NDUFA9: variants seen among roughly 807,000 people sequenced by gnomAD.
The protein encoded by NDUFA9 is NADH:ubiquinone oxidoreductase subunit A9, also known as NADH dehydrogenase [ubiquinone] 1 alpha subcomplex subunit 9, mitochondrial.
Under a neutral mutation model 45.9 loss-of-function variants are expected in NDUFA9, and 23 were observed. The observed-to-expected ratio is 0.50, with a 90% CI of 0.36 to 0.71. The LOEUF (loss-of-function observed/expected upper bound fraction) is 0.71, where lower values mean the gene tolerates loss of function less well. Ranked by LOEUF, NDUFA9 falls within the 30% of genes least tolerant of loss-of-function variation. The probability of loss-of-function intolerance (pLI) is 0.00; values close to 1 mark genes in which losing one functional copy is unlikely to be tolerated. For missense variants in NDUFA9, 466 were observed against 488.2 expected, an observed-to-expected ratio of 0.95 and a Z score of 0.43; for synonymous variants, 176 against 170.5, an observed-to-expected ratio of 1.03 and a Z score of -0.25.
intron 6 of NDUFA9, among the ~76,000 whole-genome samples, chr12:4,665,756 T>TC (rs1158378815): frequency 1.3e-5 from 2 of 151,912 alleles, no homozygotes; most frequent in African/African-American, 4.8e-5. Context: ...GTTTTTTTTT[T>TC]TTTTTATAAT....
intron 8 of NDUFA9, among the ~76,000 whole-genome samples, chr12:4,680,880 C>T (rs1242334694): frequency 6.6e-6 from 1 of 152,150 alleles, no homozygotes; most frequent in Non-Finnish European, 1.5e-5. Context: ...GCATTATAAG[C>T]ACTGATACTT....
At chr12:4,657,469 A>G (rs1198996023) in intron 3 of NDUFA9, 1 of 307,800 alleles carries the variant, frequency 3.2e-6, no homozygotes, top group Admixed American at 4.8e-5. Flanking sequence ...GACAAAAACT[A>G]ATATGCTCCA....
In NDUFA9 at chr12:4,668,540, A is replaced by G. The variant is rs1591546455; in HGVS notation, c.723+16A>G. 2 of 1,598,026 alleles carry G rather than the reference A, an allele frequency of 1.3e-6. No homozygotes were observed. The highest frequency in any genetic ancestry group is 1.7e-6 in the Non-Finnish European group (2 of 1,165,474). Reference sequence around the variant, plus strand: ...ACCAGTATATGTAAGTACTTGGATGAAGGGGGTCAGAAAGGGATTTTTGAT... The same window carrying G: ...ACCAGTATATGTAAGTACTTGGATGGAGGGGGTCAGAAAGGGATTTTTGAT... On this transcript the variant is annotated intron_variant, in intron 7 of 10. Coordinates refer to ENST00000266544, the MANE Select transcript of NDUFA9 (RefSeq NM_005002.5).
At chr12:4,665,281 C>T (rs1945846616) in intron 6 of NDUFA9, among the ~76,000 whole-genome samples, 1 of 152,164 alleles carries the variant, frequency 6.6e-6, no homozygotes, top group African/African-American at 2.4e-5. Flanking sequence ...AACTACCATT[C>T]TGCTTTTGGT....
chr12:4,681,519 A>C (rs1945951989), intron 8 of NDUFA9, among the ~76,000 whole-genome samples: 1 of 150,358 alleles, frequency 6.7e-6, no homozygotes, highest in Non-Finnish European at 1.5e-5. Flanking sequence ...AGATTGGCAA[A>C]AATTTTATTT....
chr12:4,684,586 A>C (rs1356149465), intron 9 of NDUFA9, among the ~76,000 whole-genome samples: 1 of 152,198 alleles, frequency 6.6e-6, no homozygotes, highest in Non-Finnish European at 1.5e-5. Flanking sequence ...CCTGGACAAC[A>C]TAGTGAGACC....
At position 4,649,167 on chromosome 12, in the gene NDUFA9, C is replaced by T. The variant is rs1272645219; in HGVS notation, c.41C>T (p.Ser14Leu). 4.4e-6 allele frequency: 7 copies of T among 1,604,794 alleles called. No individual in the cohort carries two copies. In the African/African-American group the frequency reaches 9.4e-5, roughly 21 times the overall value. Residue 14 changes from serine to leucine, a missense_variant, in exon 1 of 11, where the codon TCA becomes TTA. By Grantham distance (145) the Ser-to-Leu change is moderately radical. Coordinates refer to ENST00000266544, the MANE Select transcript of NDUFA9 (RefSeq NM_005002.5). The part of the protein sequence containing the change: ...AAQSRVVRVL[S>L]MSRSAITAIA... ...CAATCCCGGGTTGTCCGGGTCCTGT[C>T]AATGTCACGTAAGTGTTACCGGGAA... is the stretch of plus-strand genomic sequence containing the variant.
rs1366944793 is a variant in NDUFA9, at chr12:4,688,132, T to C, written c.*1024T>C. 4 of 152,266 alleles carry C rather than the reference T, an allele frequency of 2.6e-5. No individual in the cohort carries two copies. Among genetic ancestry groups the C allele is most frequent in the Non-Finnish European group, 1.5e-5 (1 of 68,112 alleles). 9.4% of individuals were successfully genotyped at this position (152,266 alleles called of 1,614,324 possible). A position where few individuals can be genotyped will look rare whatever the true frequency, so the allele number is the denominator to read the frequency against. ...CCCAAAACGGTCAACAGTGAGCTAC[T>C]CCAAGTGTGGTCCATAGATCACCAG... On this transcript the variant is annotated 3_prime_UTR_variant, in exon 11 of 11. Transcript: ENST00000266544.
chr12:4,672,773 A>G (rs1026624630), intron 8 of NDUFA9, among the ~76,000 whole-genome samples: 1 of 152,208 alleles, frequency 6.6e-6, no homozygotes, highest in East Asian at 1.9e-4. Flanking sequence ...GGGACAGAGC[A>G]TCTGGGGGAA....
At chr12:4,656,424 ATT>A (rs1409761267) in intron 3 of NDUFA9, among the ~76,000 whole-genome samples, 1 of 152,208 alleles carries the variant, frequency 6.6e-6, no homozygotes, top group Non-Finnish European at 1.5e-5. Flanking sequence ...CTATTCCATT[ATT>A]TCTGCAGAGA....
At chr12:4,669,887 T>A in intron 8 of NDUFA9, 70 bp downstream of exon 8, 2 of 1,117,718 alleles carry the variant, frequency 1.8e-6, no homozygotes, top group Non-Finnish European at 1.4e-6. Flanking sequence ...AATTAGTTAC[T>A]AACAGATTTA....
In NDUFA9 at chr12:4,690,731, A is replaced by G. The variant is rs1004489107; in HGVS notation, c.*3623A>G. 3.9e-5 allele frequency: 6 copies of G among 151,974 alleles called. No individual in the cohort carries two copies. Among genetic ancestry groups the G allele is most frequent in the Non-Finnish European group, 8.8e-5 (6 of 68,022 alleles). 9.4% of individuals were successfully genotyped at this position (151,974 alleles called of 1,614,324 possible). ...TCTAAAATAAATAATAATAATAATA[A>G]TAATAAAGGTACATGATGGAAGCAT... is the stretch of plus-strand genomic sequence containing the variant. On this transcript the variant is annotated 3_prime_UTR_variant, in exon 11 of 11. Coordinates refer to ENST00000266544, the MANE Select transcript of NDUFA9 (RefSeq NM_005002.5).
intron 9 of NDUFA9, among the ~76,000 whole-genome samples, chr12:4,683,784 G>A (rs1945967858): frequency 1.3e-5 from 2 of 152,212 alleles, no homozygotes; most frequent in South Asian, 4.1e-4. Context: ...GTTTTCAGGA[G>A]AGAATCGATG....
intron 5 of NDUFA9, among the ~76,000 whole-genome samples, chr12:4,662,062 A>G (rs1406395376): frequency 2.0e-5 from 3 of 152,172 alleles, no homozygotes; most frequent in East Asian, 1.9e-4. Context: ...GTAGATGATA[A>G]CAAGTAAGGA....
chr12:4,661,712 G>T, intron 5 of NDUFA9, among the ~76,000 whole-genome samples: 1 of 150,574 alleles, frequency 6.6e-6, no homozygotes, highest in Admixed American at 6.7e-5. Flanking sequence ...CAGTGCACTA[G>T]AGTTCTTGAG....
chr12:4,659,897 T>C (rs1945814039), intron 5 of NDUFA9, among the ~76,000 whole-genome samples: 1 of 152,218 alleles, frequency 6.6e-6, no homozygotes. Flanking sequence ...AAACTATTCA[T>C]TAAGCACCTA....
chr12:4,686,986 C>G lies in NDUFA9; in HGVS notation c.1012C>G (p.Leu338Val). 6.2e-7 allele frequency: 1 copy of G among 1,614,164 alleles called. No individual in the cohort carries two copies. Among genetic ancestry groups the G allele is most frequent in the Non-Finnish European group, 8.5e-7 (1 of 1,180,040 alleles). The part of the protein sequence containing the change: ...KLPHLPGLED[L>V]GIQATPLELK... ...GCCTCACCTGCCTGGCTTAGAAGACCTTGGTATTCAGGCAACACCACTGGA... is the reference window on the plus strand; with the variant it reads ...GCCTCACCTGCCTGGCTTAGAAGACGTTGGTATTCAGGCAACACCACTGGA... Residue 338 changes from leucine to valine, a missense_variant, in exon 11 of 11, where the codon CTT becomes GTT. Transcript: ENST00000266544.
intron 8 of NDUFA9, 52 bp downstream of exon 8, chr12:4,669,869 A>T: frequency 4.0e-6 from 5 of 1,241,678 alleles, no homozygotes; most frequent in Non-Finnish European, 4.7e-6. Context: ...TGAAGGAATC[A>T]ATATCTAAAT....
At chr12:4,685,371 G>A (rs745775781) in intron 10 of NDUFA9, 46 bp downstream of exon 10, 30 of 1,548,752 alleles carry the variant, frequency 1.9e-5, no homozygotes, top group Admixed American at 5.1e-5. Context: ...ATGATGAGGC[G>A]TTAGACTTAT....
Sources: gnomAD v4.1 joint callset for allele counts (sites outside exome capture counted in the v4.1 genomes callset) on GRCh38, gnomAD v4.1.1 for gene constraint, MANE v1.5 for transcripts, NCBI Gene and HGNC (gene_info 2026-07-23, HGNC 2026-07-21) for gene names.